Variants in EML4 observed in about 807,000 individuals in gnomAD.
EML4 encodes the protein EMAP like 4.
In EML4, 72 loss-of-function variants were observed where a neutral mutation model predicts 129.0. The ratio of observed to expected loss-of-function variants is 0.56; its 90% CI spans 0.46 to 0.68. The LOEUF is 0.68. Ranked by LOEUF, EML4 falls within the 30% of genes least tolerant of loss-of-function variation. EML4 has a pLI of 0.00. For synonymous variants in EML4, 532 were observed against 405.0 expected (o/e 1.31, Z -3.77); for missense variants, 1,363 against 1,190.6 (o/e 1.14, Z -2.13).
intron 6 of EML4, among the ~76,000 whole-genome samples, chr2:42,277,125 A>G (rs1666700673): frequency 6.6e-6 from 1 of 152,192 alleles, no homozygotes; most frequent in Non-Finnish European, 1.5e-5. Flanking sequence ...AAGTGGTGAT[A>G]GAAGCATCTA....
intron 2 of EML4, among the ~76,000 whole-genome samples, chr2:42,251,637 A>G (rs1265874510): frequency 2.6e-5 from 4 of 152,220 alleles, no homozygotes; most frequent in African/African-American, 9.6e-5. Flanking sequence ...CAATTGAGAA[A>G]AGTGACGAAG....
At chr2:42,193,655 ATC>A (rs778821076) in intron 1 of EML4, among the ~76,000 whole-genome samples, 3 of 150,894 alleles carry the variant, frequency 2.0e-5, no homozygotes, top group Non-Finnish European at 4.4e-5. Context: ...TTTGTCATCT[ATC>A]TATTGAGTCA....
chr2:42,253,382 C>T (rs1315604464), intron 2 of EML4, among the ~76,000 whole-genome samples: 2 of 152,220 alleles, frequency 1.3e-5, no homozygotes, highest in Middle Eastern at 3.4e-3. Context: ...TCTGAAATTA[C>T]GATGCATATT....
chr2:42,299,501 C>T (rs956539874), intron 13 of EML4, among the ~76,000 whole-genome samples: 2 of 152,138 alleles, frequency 1.3e-5, no homozygotes, highest in Non-Finnish European at 2.9e-5. Context: ...ATTTTCATCA[C>T]CCCAAAAAGA....
At chr2:42,245,409 T>G (rs1675333025) in intron 1 of EML4, 96 bp from the exon 2 acceptor site, 3 of 1,226,522 alleles carry the variant, frequency 2.4e-6, no homozygotes, top group Middle Eastern at 2.8e-4. Flanking sequence ...ATTTTTCTCA[T>G]CTTTTGTAAG....
At chr2:42,260,465 C>T (rs1033534188) in intron 3 of EML4, among the ~76,000 whole-genome samples, 10 of 152,316 alleles carry the variant, frequency 6.6e-5, no homozygotes, top group East Asian at 1.9e-4. Flanking sequence ...TGCGCCCAGC[C>T]GCCTCTGTGA....
intron 17 of EML4, among the ~76,000 whole-genome samples, chr2:42,305,393 T>G (rs975885265): frequency 2.0e-5 from 3 of 152,192 alleles, no homozygotes; most frequent in African/African-American, 7.2e-5. Context: ...AGTTGCAGAT[T>G]TGACTTTTCC....
intron 13 of EML4, among the ~76,000 whole-genome samples, chr2:42,300,249 T>C (rs913060479): frequency 2.0e-5 from 3 of 152,226 alleles, no homozygotes; most frequent in African/African-American, 4.8e-5. Flanking sequence ...TAACTAATTC[T>C]GTAGGACATC....
At chr2:42,245,202 C>G (rs1300556650) in intron 1 of EML4, among the ~76,000 whole-genome samples, 1 of 145,518 alleles carries the variant, frequency 6.9e-6, no homozygotes, top group Non-Finnish European at 1.5e-5. Flanking sequence ...TCACATGATT[C>G]TTGTGCCTCA....
At chr2:42,237,821 C>T (rs573004492) in intron 1 of EML4, among the ~76,000 whole-genome samples, 1 of 152,172 alleles carries the variant, frequency 6.6e-6, no homozygotes, top group Non-Finnish European at 1.5e-5. Context: ...TCTTCGTCAT[C>T]TCAACTACTC....
At chr2:42,325,090 A>C (rs1669714995) in intron 19 of EML4, 1 of 421,540 alleles carries the variant, frequency 2.4e-6, no homozygotes, top group Admixed American at 2.5e-5. Flanking sequence ...CTTATGCACA[A>C]CTTATAACCA....
At chr2:42,294,973 A>G in intron 11 of EML4, 152 bp from the exon 12 acceptor site, 1 of 621,042 alleles carries the variant, frequency 1.6e-6, no homozygotes, top group Non-Finnish European at 2.6e-6. Flanking sequence ...CAAAAAATAC[A>G]TTATCAAAAT....
chr2:42,245,147 T>G (rs1675315862), intron 1 of EML4, among the ~76,000 whole-genome samples: 1 of 131,098 alleles, frequency 7.6e-6, no homozygotes, highest in Non-Finnish European at 1.6e-5. Flanking sequence ...CAGACTAGAG[T>G]GCAGTGGTGC....
intron 11 of EML4, among the ~76,000 whole-genome samples, chr2:42,293,468 A>G (rs1346109328): frequency 2.6e-5 from 4 of 152,224 alleles, no homozygotes; most frequent in Non-Finnish European, 5.9e-5. Context: ...CCAAATGTTA[A>G]GTAACAGAAA....
At chr2:42,265,070 T>G in intron 6 of EML4, 2 of 936,072 alleles carry the variant, frequency 2.1e-6, no homozygotes, top group Non-Finnish European at 3.3e-6. Flanking sequence ...TACAGTGATT[T>G]GAGCTAGATG....
rs1029868414 is a variant in EML4 at position 42,312,007 on chromosome 2, G to C, written c.1968-3955G>C. ...TTGCAGACATGAGGCACCATGCCCG[G>C]CCTTCCTATGCACTTTTTGAAATGA... On this transcript the variant is annotated intron_variant, in intron 17 of 22. Transcript: ENST00000318522. Among the ~76,000 whole-genome samples, 3 of 152,144 alleles carry C rather than the reference G, an allele frequency of 2.0e-5. No individual in the cohort carries two copies. The East Asian group carries it at 5.8e-4, about 29-fold the overall frequency.
chr2:42,240,824 A>G (rs1674979034), intron 1 of EML4, among the ~76,000 whole-genome samples: 1 of 152,174 alleles, frequency 6.6e-6, no homozygotes, highest in Non-Finnish European at 1.5e-5. Flanking sequence ...ACACGTGAAG[A>G]AAGCAGTCAC....
intron 6 of EML4, among the ~76,000 whole-genome samples, chr2:42,266,740 C>T (rs1417182084): frequency 6.6e-6 from 1 of 151,544 alleles, no homozygotes; most frequent in African/African-American, 2.4e-5. Context: ...GGTCCTGGCT[C>T]TTATGCATAA....
chr2:42,222,204 T>A (rs74440082), intron 1 of EML4, among the ~76,000 whole-genome samples: 1,816 of 152,268 alleles, frequency 0.012, 39 homozygotes, highest in African/African-American at 0.042. Flanking sequence ...TTATTTTATA[T>A]ATTTTAAAAT....
Sources: gnomAD v4.1 joint callset for allele counts (sites outside exome capture counted in the v4.1 genomes callset) on GRCh38, gnomAD v4.1.1 for gene constraint, MANE v1.5 for transcripts, NCBI Gene and HGNC (gene_info 2026-07-23, HGNC 2026-07-21) for gene names.